Variants in CFAP20DC observed in about 807,000 individuals in gnomAD.
CFAP20DC encodes the protein CFAP20 domain containing.
In CFAP20DC, 84 loss-of-function variants were observed where a neutral mutation model predicts 101.7. The observed-to-expected ratio is 0.83, with a 90% CI of 0.69 to 0.99. The LOEUF is 0.99. Ranked by LOEUF, CFAP20DC falls within the 50% of genes least tolerant of loss-of-function variation. The pLI is 0.00. For missense variants in CFAP20DC, 1,007 were observed against 970.3 expected (o/e 1.04, Z -0.50); for synonymous variants, 359 against 351.2 (o/e 1.02, Z -0.25).
intron 15 of CFAP20DC, among the ~76,000 whole-genome samples, chr3:58,754,154 T>C (rs2068763323): frequency 6.6e-6 from 1 of 152,204 alleles, no homozygotes; most frequent in African/African-American, 2.4e-5. Flanking sequence ...ACATAAGAAA[T>C]TATTTCAATA....
intron 15 of CFAP20DC, among the ~76,000 whole-genome samples, chr3:58,769,860 A>C (rs2070683067): frequency 6.6e-6 from 1 of 152,096 alleles, no homozygotes. Context: ...CACTCATACA[A>C]ATGGGAAATC....
chr3:58,878,840 C>G (rs186690367), intron 7 of CFAP20DC, among the ~76,000 whole-genome samples: 1 of 152,172 alleles, frequency 6.6e-6, no homozygotes, highest in East Asian at 1.9e-4. Context: ...AACTCCATCT[C>G]TACTAAAAAT....
chr3:59,047,254 C>G lies in CFAP20DC; in HGVS notation c.22G>C (p.Gly8Arg). 6.6e-7 allele frequency: 1 copy of G among 1,526,082 alleles called. No individual in the cohort carries two copies. The allele number at this position is 1,526,082 out of a possible 1,614,324, so 94.5% of individuals were successfully genotyped here. A position where few individuals can be genotyped will look rare whatever the true frequency, so the allele number is the denominator to read the frequency against. ...CTGAAAATTTCAACAAATGCACCTC[C>G]CTAGAAAATGAAAATAAAATATTAA... MFKNEYQ[G>R]GAFVEIFSAQ... is the part of the protein sequence containing the mutation. The change falls in exon 2 of 17, where the codon GGA (glycine) becomes CGA (arginine). Residue 8 changes from glycine (G) to arginine (R), a missense_variant and splice_region_variant. Coordinates refer to ENST00000482387, the MANE Select transcript of CFAP20DC (RefSeq NM_001394063.1).
intron 13 of CFAP20DC, among the ~76,000 whole-genome samples, chr3:58,841,709 G>A (rs572678556): frequency 1.3e-5 from 2 of 152,234 alleles, no homozygotes; most frequent in South Asian, 2.1e-4. Flanking sequence ...AAGTTATATG[G>A]CTCATTTTAC....
intron 4 of CFAP20DC, among the ~76,000 whole-genome samples, chr3:58,990,307 T>C (rs2092898087): frequency 6.6e-6 from 1 of 152,202 alleles, no homozygotes; most frequent in African/African-American, 2.4e-5. Flanking sequence ...CTGGAATTCT[T>C]TGTTTATTTA....
chr3:58,893,043 A>ATTTT (rs1184405114), intron 6 of CFAP20DC, among the ~76,000 whole-genome samples: 2 of 132,460 alleles, frequency 1.5e-5, no homozygotes, highest in Non-Finnish European at 3.3e-5. Flanking sequence ...AACATGAAGG[A>ATTTT]TTTTTTTTTT....
In CFAP20DC at chr3:59,015,614, T is replaced by A. The variant is rs17060025; in HGVS notation, c.278+23943A>T. 0.019 allele frequency among the ~76,000 whole-genome samples: 2,915 copies of A among 152,166 alleles called. 85 individuals carry two copies. The highest frequency in any genetic ancestry group is 0.065 in the African/African-American group (2,716 of 41,534). ...GGGCTATAGATCCCTAGAAACAGCA[T>A]ATCTAATCCTCTAGTTTATTCACAT... On this transcript the variant is annotated intron_variant, in intron 4 of 16. Coordinates refer to ENST00000482387, the MANE Select transcript of CFAP20DC (RefSeq NM_001394063.1). The surrounding 1 kb of genome is among the most constrained non-coding windows in gnomAD (Gnocchi z 5.4).
At chr3:59,027,939 T>C (rs2093922051) in intron 4 of CFAP20DC, among the ~76,000 whole-genome samples, 1 of 152,202 alleles carries the variant, frequency 6.6e-6, no homozygotes, top group Non-Finnish European at 1.5e-5. Flanking sequence ...CACTAAAATA[T>C]TTTGGAAAAG....
At position 58,760,716 on chromosome 3, in the gene CFAP20DC, C is replaced by T. The variant is rs529864917; in HGVS notation, c.2238-6853G>A. Among the ~76,000 whole-genome samples, 341 of 152,206 alleles carry T rather than the reference C, an allele frequency of 2.2e-3. 1 individual carries two copies. The highest frequency in any genetic ancestry group is 7.9e-3 in the African/African-American group (326 of 41,514). Reference sequence around the variant, plus strand: ...TATTTTGAGATACATCCCAGCAATACCTAATTTATTGAGAGTTTTTAGCAT... The same window carrying T: ...TATTTTGAGATACATCCCAGCAATATCTAATTTATTGAGAGTTTTTAGCAT... On this transcript the variant is annotated intron_variant, in intron 15 of 16. Coordinates refer to ENST00000482387, the MANE Select transcript of CFAP20DC (RefSeq NM_001394063.1).
chr3:58,885,331 TATTA>T (rs753416464), intron 6 of CFAP20DC, among the ~76,000 whole-genome samples: 21 of 152,126 alleles, frequency 1.4e-4, no homozygotes, highest in Non-Finnish European at 2.8e-4. Context: ...TATATGGATA[TATTA>T]ATTGTCTCTT....
At chr3:58,962,749 C>T (rs1445264367) in intron 4 of CFAP20DC, among the ~76,000 whole-genome samples, 2 of 152,160 alleles carry the variant, frequency 1.3e-5, no homozygotes, top group Admixed American at 1.3e-4. Context: ...TCTTGTGTCT[C>T]CTCTGTAACT....
At chr3:58,855,808 G>A (rs2078736756) in intron 12 of CFAP20DC, among the ~76,000 whole-genome samples, 5 of 141,080 alleles carry the variant, frequency 3.5e-5, no homozygotes. Flanking sequence ...ACACAGAAAG[G>A]GGAACATCAC....
At chr3:58,719,513 A>G (rs933121290) in intron 3 of CFAP20DC, among the ~76,000 whole-genome samples, 4 of 152,340 alleles carry the variant, frequency 2.6e-5, no homozygotes, top group African/African-American at 7.2e-5. Flanking sequence ...GCAGGCATGG[A>G]AGATCCTGTG....
At chr3:59,048,664 C>T (rs1338942260) in intron 1 of CFAP20DC, among the ~76,000 whole-genome samples, 1 of 152,138 alleles carries the variant, frequency 6.6e-6, no homozygotes, top group African/African-American at 2.4e-5. Context: ...GAACTGCAGA[C>T]TACTCCGAGA....
Position 58,882,669 on chromosome 3 carries a change from AT to A in CFAP20DC, c.715+1875del, listed in dbSNP as rs146659122. ...GTAGTCAGATCTTTTTAATCCTTTTATGTATTTATTTTCTCAAGGCTCTTTA... is the reference window on the plus strand; with the variant it reads ...GTAGTCAGATCTTTTTAATCCTTTTAGTATTTATTTTCTCAAGGCTCTTTA... On this transcript the variant is annotated intron_variant, in intron 7 of 16. Coordinates refer to ENST00000482387, the MANE Select transcript of CFAP20DC (RefSeq NM_001394063.1). This position sits in a 1 kb window ranked among gnomAD's most constrained non-coding sequence, Gnocchi z 4.2. Among the ~76,000 whole-genome samples the A allele has an allele frequency of 0.014, 2,151 of 152,132 alleles. 49 individuals carry two copies. The highest frequency in any genetic ancestry group is 0.049 in the African/African-American group (2,049 of 41,492).
chr3:58,820,097 T>C (rs1238523735), intron 14 of CFAP20DC, among the ~76,000 whole-genome samples: 1 of 151,878 alleles, frequency 6.6e-6, no homozygotes, highest in Non-Finnish European at 1.5e-5. Context: ...CAACAACCCT[T>C]CATGCTAAGA....
intron 4 of CFAP20DC, among the ~76,000 whole-genome samples, chr3:58,981,044 C>T (rs967276761): frequency 5.9e-5 from 9 of 152,266 alleles, no homozygotes; most frequent in African/African-American, 2.2e-4. Context: ...AAATCACAAG[C>T]ATCCTTATAC....
intron 7 of CFAP20DC, among the ~76,000 whole-genome samples, chr3:58,876,280 T>C (rs1313982237): frequency 2.0e-5 from 3 of 152,144 alleles, no homozygotes; most frequent in Non-Finnish European, 4.4e-5. Flanking sequence ...TATTGTGCTA[T>C]GCATCTACCA....
At chr3:58,959,940 T>A (rs1208756555) in intron 4 of CFAP20DC, among the ~76,000 whole-genome samples, 2 of 152,228 alleles carry the variant, frequency 1.3e-5, no homozygotes, top group East Asian at 1.9e-4. Context: ...ATTTTCAGCA[T>A]ACAAATCTTG....
Sources: gnomAD v4.1 joint callset for allele counts (sites outside exome capture counted in the v4.1 genomes callset) on GRCh38, gnomAD v4.1.1 for gene constraint, Gnocchi (gnomAD v3.1) non-coding constraint, MANE v1.5 for transcripts, NCBI Gene and HGNC (gene_info 2026-07-23, HGNC 2026-07-21) for gene names.